CYSTM1: variants seen among roughly 807,000 people sequenced by gnomAD.
CYSTM1 encodes the protein cysteine-rich transmembrane module-containing protein 1.
A neutral mutation model predicts 13.1 loss-of-function variants in CYSTM1; 4 were observed. The ratio of observed to expected loss-of-function variants is 0.31; its 90% CI spans 0.15 to 0.70. The LOEUF is 0.70. Ranked by LOEUF, CYSTM1 falls within the 30% of genes least tolerant of loss-of-function variation. The pLI is 0.72. For synonymous variants in CYSTM1, 36 were observed against 42.7 expected, an observed-to-expected ratio of 0.84 and a Z score of 0.62; for missense variants, 96 against 121.6, an observed-to-expected ratio of 0.79 and a Z score of 0.99.
intron 2 of CYSTM1, among the ~76,000 whole-genome samples, chr5:140,227,047 G>A (rs1216649465): frequency 2.6e-5 from 4 of 152,176 alleles, no homozygotes; most frequent in African/African-American, 9.7e-5. Flanking sequence ...ACTGGGGTGA[G>A]GGGAGCCAGA....
chr5:140,232,068 T>A (rs1764623868), intron 2 of CYSTM1, among the ~76,000 whole-genome samples: 1 of 152,116 alleles, frequency 6.6e-6, no homozygotes, highest in East Asian at 1.9e-4. Flanking sequence ...TGGTGATGGA[T>A]TGGATATGGA....
chr5:140,195,592 C>T (rs1209674555), intron 2 of CYSTM1, among the ~76,000 whole-genome samples: 1 of 151,648 alleles, frequency 6.6e-6, no homozygotes, highest in Non-Finnish European at 1.5e-5. Flanking sequence ...CAGGCGCCTG[C>T]CACCACGCCC....
At chr5:140,232,884 G>A (rs1033273519) in intron 2 of CYSTM1, among the ~76,000 whole-genome samples, 9 of 152,168 alleles carry the variant, frequency 5.9e-5, no homozygotes, top group African/African-American at 2.2e-4. Flanking sequence ...CTTTGAGCCT[G>A]AACAGAGGAG....
chr5:140,190,147 A>G (rs1295480734), intron 1 of CYSTM1, among the ~76,000 whole-genome samples: 1 of 152,192 alleles, frequency 6.6e-6, no homozygotes, highest in Non-Finnish European at 1.5e-5. Flanking sequence ...TATTTATTTT[A>G]AAGAAAGTTG....
intron 1 of CYSTM1, among the ~76,000 whole-genome samples, chr5:140,187,095 C>T (rs1296364724): frequency 6.6e-6 from 1 of 152,054 alleles, no homozygotes; most frequent in Admixed American, 6.6e-5. Context: ...CACTGCCCTC[C>T]AGCCTGGGCG....
At chr5:140,213,325 A>G (rs1764392650) in intron 2 of CYSTM1, among the ~76,000 whole-genome samples, 1 of 152,156 alleles carries the variant, frequency 6.6e-6, no homozygotes, top group Admixed American at 6.5e-5. Context: ...GGGTATAAAG[A>G]AAAAACAGTT....
chr5:140,194,431 C>A lies in CYSTM1; in HGVS notation c.-20-15C>A. 3 of 1,525,810 alleles carry A rather than the reference C, an allele frequency of 2.0e-6. No homozygotes were observed. Among genetic ancestry groups the A allele is most frequent in the Non-Finnish European group, 2.6e-6 (3 of 1,140,558 alleles). The allele number at this position is 1,525,810 out of a possible 1,614,324, so 94.5% of individuals were successfully genotyped here. On this transcript the variant is annotated splice_polypyrimidine_tract_variant and intron_variant, in intron 1 of 2. Transcript: ENST00000261811. Reference sequence around the variant, plus strand: ...CAGTTAAATGCAAATAATTTTCATTCTTTTTGTCTCTTAGGTGCACTTTAC... The same window carrying A: ...CAGTTAAATGCAAATAATTTTCATTATTTTTGTCTCTTAGGTGCACTTTAC...
chr5:140,217,378 C>CGGGA (rs2126666081), intron 2 of CYSTM1, among the ~76,000 whole-genome samples: 1 of 152,284 alleles, frequency 6.6e-6, no homozygotes, highest in South Asian at 2.1e-4. Flanking sequence ...TAACCATGAA[C>CGGGA]TCCCCAGGGC....
intron 2 of CYSTM1, among the ~76,000 whole-genome samples, chr5:140,229,801 G>A (rs912863366): frequency 1.3e-5 from 2 of 151,494 alleles, no homozygotes; most frequent in Admixed American, 6.6e-5. Flanking sequence ...TGGTTCAAGC[G>A]ATTCTCCTGC....
In CYSTM1 at chr5:140,178,683, C is replaced by G. The variant is rs954776305; in HGVS notation, c.-21+3398C>G. Among the ~76,000 whole-genome samples, 17 of 151,782 alleles carry G rather than the reference C, an allele frequency of 1.1e-4. 1 individual carries two copies. Among genetic ancestry groups the G allele is most frequent in the Non-Finnish European group, 2.1e-4 (14 of 67,964 alleles). ...TGGTGTAATCGCAGCTCACTGCAAC[C>G]TCCACCTCCTGGGCTCAAGCCATCC... On this transcript the variant is annotated intron_variant, in intron 1 of 2. Transcript: ENST00000261811.
At chr5:140,195,439 C>CTTTTT (rs35389567) in intron 2 of CYSTM1, among the ~76,000 whole-genome samples, 6 of 101,356 alleles carry the variant, frequency 5.9e-5, no homozygotes, top group Non-Finnish European at 1.2e-4. Flanking sequence ...GCCCTTTCAG[C>CTTTTT]TTTTTTTTTT....
chr5:140,242,999 T>C (rs1272234634), intron 2 of CYSTM1, among the ~76,000 whole-genome samples: 1 of 152,228 alleles, frequency 6.6e-6, no homozygotes, highest in African/African-American at 2.4e-5. Context: ...ACATGCTACC[T>C]GGTTTACAAA....
intron 2 of CYSTM1, among the ~76,000 whole-genome samples, chr5:140,211,868 A>T (rs1218332528): frequency 6.6e-6 from 1 of 152,098 alleles, no homozygotes; most frequent in Admixed American, 6.5e-5. Flanking sequence ...AATTGCTTAG[A>T]CCTGGGAGGC....
In CYSTM1 at chr5:140,239,931, T is replaced by C; in HGVS notation, c.188-3374T>C. Among the ~76,000 whole-genome samples the C allele has an allele frequency of 6.6e-6, 1 of 152,214 alleles. No homozygotes were observed. Among genetic ancestry groups the C allele is most frequent in the South Asian group, 2.1e-4 (1 of 4,822 alleles). On this transcript the variant is annotated intron_variant, in intron 2 of 2. Transcript: ENST00000261811. This position sits in a 1 kb window ranked among gnomAD's most constrained non-coding sequence, Gnocchi z 5.4. ...GAATAGGGTGGTCTGAGACACTAGA[T>C]AGCGAATGAGGGATGAGCCTTTTGG... is the stretch of plus-strand genomic sequence containing the variant.
Position 140,211,221 on chromosome 5 carries a change from GTCT to G in CYSTM1, c.187+16574_187+16576del, listed in dbSNP as rs569032773. Among the ~76,000 whole-genome samples, 34 of 152,324 alleles carry G rather than the reference GTCT, an allele frequency of 2.2e-4. No individual in the cohort carries two copies. In the East Asian group the frequency reaches 3.1e-3, roughly 14 times the overall value. ...TCCTAAGAACAATCCTGCAAGGTAG[GTCT>G]TCTTATCTCCATCATATAGATGAAG... On this transcript the variant is annotated intron_variant, in intron 2 of 2. Transcript: ENST00000261811.
At chr5:140,221,309 C>T (rs556956327) in intron 2 of CYSTM1, among the ~76,000 whole-genome samples, 2 of 152,230 alleles carry the variant, frequency 1.3e-5, no homozygotes, top group Non-Finnish European at 2.9e-5. Context: ...CACCACCACT[C>T]ATCTCCAAAA....
At chr5:140,191,769 T>C (rs1377484838) in intron 1 of CYSTM1, among the ~76,000 whole-genome samples, 1 of 152,222 alleles carries the variant, frequency 6.6e-6, no homozygotes, top group Non-Finnish European at 1.5e-5. Context: ...ATAGTTATGA[T>C]AACTGTATTG....
intron 2 of CYSTM1, among the ~76,000 whole-genome samples, chr5:140,196,159 A>T (rs1321084681): frequency 6.6e-6 from 1 of 152,212 alleles, no homozygotes; most frequent in East Asian, 1.9e-4. Context: ...GATGTAATAG[A>T]GGTACAAAGT....
chr5:140,216,787 G>C (rs1285077485), intron 2 of CYSTM1, among the ~76,000 whole-genome samples: 2 of 152,062 alleles, frequency 1.3e-5, no homozygotes, highest in African/African-American at 2.4e-5. Context: ...TAGCCAGGCT[G>C]GGATCCTGAT....
Sources: gnomAD v4.1 joint callset for allele counts (sites outside exome capture counted in the v4.1 genomes callset) on GRCh38, gnomAD v4.1.1 for gene constraint, Gnocchi (gnomAD v3.1) non-coding constraint, MANE v1.5 for transcripts, NCBI Gene and HGNC (gene_info 2026-07-23, HGNC 2026-07-21) for gene names.